Variants in PDCD1 observed in about 807,000 individuals in gnomAD.
The protein encoded by PDCD1 is programmed cell death protein 1.
Under a neutral mutation model 23.6 loss-of-function variants are expected in PDCD1, and 10 were observed. The ratio of observed to expected loss-of-function variants is 0.42; its 90% confidence interval spans 0.26 to 0.72. The LOEUF is 0.72. Among genes scored for constraint, PDCD1 ranks in the 30% least tolerant of loss-of-function variants. The pLI, the probability that PDCD1 is intolerant of heterozygous loss-of-function variation, is 0.24. For missense variants in PDCD1, 313 were observed against 397.8 expected, an observed-to-expected ratio of 0.79 and a Z score of 1.81; for synonymous variants, 168 against 169.3, an observed-to-expected ratio of 0.99 and a Z score of 0.06.
In PDCD1 at chr2:241,851,391, C is replaced by A. The variant is rs879817382; in HGVS notation, c.628-94G>T. The A allele has an allele frequency of 4.5e-6, 6 of 1,332,694 alleles. No homozygotes were observed. The South Asian group carries it at 5.5e-5, about 12-fold the overall frequency. The allele number at this position is 1,332,694 out of a possible 1,614,324, so 82.6% of individuals were successfully genotyped here. A position where few individuals can be genotyped will look rare whatever the true frequency, so the allele number is the denominator to read the frequency against. On this transcript the variant is annotated intron_variant, in intron 4 of 4. Transcript: ENST00000334409. ...GCCTGGCTGCAGTACCGGCACCGAA[C>A]CTGGGCCCCCCACTATGAGCTGCTT...
chr2:241,854,381 C>G (rs1330120980), intron 1 of PDCD1, among the ~76,000 whole-genome samples: 1 of 152,236 alleles, frequency 6.6e-6, no homozygotes, highest in African/African-American at 2.4e-5. Context: ...CCGCCCTTGT[C>G]TGCCGGCCGG....
chr2:241,856,304 T>A (rs1701026025), intron 1 of PDCD1, among the ~76,000 whole-genome samples: 1 of 152,120 alleles, frequency 6.6e-6, no homozygotes, highest in Admixed American at 6.5e-5. Context: ...AGCTCCATCC[T>A]GCACGTCCAG....
Position 241,850,840 on chromosome 2 carries a change from G to T in PDCD1, c.*218C>A. On this transcript the variant is annotated 3_prime_UTR_variant, in exon 5 of 5. Coordinates refer to ENST00000334409, the MANE Select transcript of PDCD1 (RefSeq NM_005018.3). ...TCTGGCCCTCCCTGTAGGGGACGGT[G>T]ACACCTGCTGCCTGGGCTCACTGTG... The T allele has an allele frequency of 1.6e-6, 1 of 630,550 alleles. No individual in the cohort carries two copies. Among genetic ancestry groups the T allele is most frequent in the Non-Finnish European group, 2.8e-6 (1 of 358,630 alleles). 39.1% of individuals were successfully genotyped at this position (630,550 alleles called of 1,614,324 possible).
intron 1 of PDCD1, among the ~76,000 whole-genome samples, 168 bp downstream of exon 1, chr2:241,858,595 G>A (rs56320737): frequency 9.9e-5 from 15 of 152,280 alleles, no homozygotes; most frequent in African/African-American, 1.9e-4. Context: ...AGCACCCCCC[G>A]ACCTGCCAGG....
chr2:241,853,149 C>G (rs1369836835), intron 1 of PDCD1, among the ~76,000 whole-genome samples, 169 bp from the exon 2 acceptor site: 1 of 152,262 alleles, frequency 6.6e-6, no homozygotes, highest in Non-Finnish European at 1.5e-5. Context: ...GCACTGGCCT[C>G]CACTGCAGAG....
intron 1 of PDCD1, among the ~76,000 whole-genome samples, chr2:241,853,611 G>A (rs988632536): frequency 4.6e-5 from 7 of 152,240 alleles, no homozygotes; most frequent in Admixed American, 2.0e-4. Context: ...CCATTGACTC[G>A]GATGTGGACA....
At position 241,850,519 on chromosome 2, in the gene PDCD1, G is replaced by A. The variant is rs771800901; in HGVS notation, c.*539C>T. The A allele has an allele frequency of 1.7e-5, 5 of 299,482 alleles. No individual in the cohort carries two copies. The highest frequency in any genetic ancestry group is 3.2e-5 in the Non-Finnish European group (5 of 156,574). 18.6% of individuals were successfully genotyped at this position (299,482 alleles called of 1,614,324 possible). ...CCTGAAACTTCTCTAGGCCTGCAGG[G>A]AGCAGATAACTCCTGGGGAGTCCCC... On this transcript the variant is annotated 3_prime_UTR_variant, in exon 5 of 5. Transcript: ENST00000334409.
intron 1 of PDCD1, among the ~76,000 whole-genome samples, chr2:241,854,433 G>A (rs989948248): frequency 1.3e-5 from 2 of 152,180 alleles, no homozygotes; most frequent in African/African-American, 2.4e-5. Context: ...GCGTGGGCCC[G>A]GGGAATCTTC....
At chr2:241,851,378 T>G in intron 4 of PDCD1, 81 bp from the exon 5 acceptor site, 1 of 1,451,768 alleles carries the variant, frequency 6.9e-7, no homozygotes, top group Non-Finnish European at 9.3e-7. Flanking sequence ...CTGGCTGCAG[T>G]ACCGGCACCG....
chr2:241,851,663 C>T (rs1426712883), intron 4 of PDCD1, among the ~76,000 whole-genome samples: 4 of 151,030 alleles, frequency 2.6e-5, no homozygotes. Flanking sequence ...ATATGTGGGC[C>T]GGGCACCCCC....
rs7419333 is a variant in PDCD1 at position 241,853,160 on chromosome 2, C to G, written c.77-180G>C. On this transcript the variant is annotated intron_variant, in intron 1 of 4. Coordinates refer to ENST00000334409, the MANE Select transcript of PDCD1 (RefSeq NM_005018.3). ...ATGGGCACTGGCCTCCACTGCAGAG[C>G]CTCTTCCTTCTACGTGAGGCTGCAG... Among the ~76,000 whole-genome samples the G allele has an allele frequency of 0.32, 48,279 of 152,256 alleles. 7,912 individuals carry two copies. Among genetic ancestry groups the G allele is most frequent in the South Asian group, 0.37 (1,765 of 4,828 alleles).
At chr2:241,853,910 G>A (rs962133561) in intron 1 of PDCD1, among the ~76,000 whole-genome samples, 3 of 152,234 alleles carry the variant, frequency 2.0e-5, no homozygotes, top group African/African-American at 7.2e-5. Flanking sequence ...GCCTGGGCAC[G>A]GCCCCCCAGC....
rs1027054473 is a variant in PDCD1, at chr2:241,850,057, C to G, written c.*1001G>C. On this transcript the variant is annotated 3_prime_UTR_variant, in exon 5 of 5. Transcript: ENST00000334409. Reference sequence around the variant, plus strand: ...GAGTGGATAGGCCACGGCGGGGGTACTAGGCCCCGGGGGAACGCCTGTACC... The same window carrying G: ...GAGTGGATAGGCCACGGCGGGGGTAGTAGGCCCCGGGGGAACGCCTGTACC... The G allele has an allele frequency of 4.4e-6, 1 of 228,958 alleles. No individual in the cohort carries two copies. The highest frequency in any genetic ancestry group is 2.2e-5 in the African/African-American group (1 of 45,028). 14.2% of individuals were successfully genotyped at this position (228,958 alleles called of 1,614,324 possible).
chr2:241,853,007 G>C, intron 1 of PDCD1, 27 bp from the exon 2 acceptor site: 12 of 1,530,806 alleles, frequency 7.8e-6, no homozygotes, highest in Non-Finnish European at 1.1e-5. Context: ...GGTGAGGAAG[G>C]GGCTGGGTGG....
intron 2 of PDCD1, 63 bp downstream of exon 2, chr2:241,852,558 G>A (rs1700925007): frequency 6.4e-7 from 1 of 1,568,982 alleles, no homozygotes; most frequent in South Asian, 1.2e-5. Context: ...TCCTGTGCAG[G>A]AGGGGACACC....
At chr2:241,851,799 T>G (rs901148261) in intron 4 of PDCD1, 150 bp downstream of exon 4, 6 of 822,184 alleles carry the variant, frequency 7.3e-6, no homozygotes, top group Non-Finnish European at 1.2e-5. Context: ...CTTTAGGGAT[T>G]GAGGTTGCTG....
rs377191240 is a variant in PDCD1 at position 241,852,271 on chromosome 2, G to C, written c.519C>G (p.Val173=). Residue 173 remains valine, a synonymous_variant, in exon 3 of 5, where the codon GTC becomes GTG. Coordinates refer to ENST00000334409, the MANE Select transcript of PDCD1 (RefSeq NM_005018.3). ...CCAGGCTGCCCAGCAGGCCGCCCAC[G>C]ACACCAACCACCAGGGTTTGGAACT... ...AGQFQTLVVG[V]VGGLLGSLVL... 4.3e-6 allele frequency: 7 copies of C among 1,611,706 alleles called. No homozygotes were observed. The highest frequency in any genetic ancestry group is 5.9e-6 in the Non-Finnish European group (7 of 1,179,652).
chr2:241,858,211 A>T (rs1701068391), intron 1 of PDCD1, among the ~76,000 whole-genome samples: 1 of 152,244 alleles, frequency 6.6e-6, no homozygotes, highest in Admixed American at 6.5e-5. Context: ...CACTTTGGAT[A>T]TAATGAGAAA....
At chr2:241,853,255 C>T (rs925772113) in intron 1 of PDCD1, among the ~76,000 whole-genome samples, 4 of 142,252 alleles carry the variant, frequency 2.8e-5, no homozygotes, top group East Asian at 2.0e-4. Flanking sequence ...CCCCCTTCCC[C>T]GTTGAGGCCA....
Sources: allele counts gnomAD v4.1 joint callset (sites outside exome capture counted in the v4.1 genomes callset), GRCh38; gene constraint gnomAD v4.1.1; transcripts MANE v1.5; gene names NCBI Gene and HGNC (gene_info 2026-07-23, HGNC 2026-07-21).